Variants in ADAM12 observed in about 807,000 individuals in gnomAD.
ADAM12 encodes disintegrin and metalloproteinase domain-containing protein 12.
Under a neutral mutation model 106.4 loss-of-function variants are expected in ADAM12, and 70 were observed. The ratio of observed to expected loss-of-function variants is 0.66; its 90% CI spans 0.54 to 0.80. ADAM12 has a LOEUF of 0.80. Among genes scored for constraint, ADAM12 ranks in the 30% least tolerant of loss-of-function variants. The pLI is 0.00. For missense variants in ADAM12, 1,010 were observed against 1,171.9 expected (o/e 0.86, Z 2.02); for synonymous variants, 420 against 433.5 (o/e 0.97, Z 0.39).
At chr10:126,100,801 A>G (rs1046046375) in intron 9 of ADAM12, among the ~76,000 whole-genome samples, 4 of 152,176 alleles carry the variant, frequency 2.6e-5, no homozygotes, top group Admixed American at 1.3e-4. Context: ...AAAAATTGGT[A>G]TAGAAGAAAA....
intron 8 of ADAM12, 103 bp downstream of exon 8, chr10:126,108,490 A>G (rs1010578719): frequency 1.3e-5 from 14 of 1,060,480 alleles, no homozygotes; most frequent in Non-Finnish European, 2.0e-5. Context: ...ACCAAGGCCC[A>G]GAGGCAGAAC....
At chr10:126,195,545 G>C (rs1286765711) in intron 3 of ADAM12, among the ~76,000 whole-genome samples, 1 of 152,140 alleles carries the variant, frequency 6.6e-6, no homozygotes, top group Admixed American at 6.6e-5. Context: ...TTGCACTCCA[G>C]CCTGGGCAAT....
At chr10:126,097,561 G>A (rs1205870559) in intron 10 of ADAM12, among the ~76,000 whole-genome samples, 2 of 152,198 alleles carry the variant, frequency 1.3e-5, no homozygotes, top group Non-Finnish European at 2.9e-5. Context: ...CACATGTTCT[G>A]TTTAAAAAAC....
At chr10:126,257,298 C>T (rs1958911694) in intron 3 of ADAM12, among the ~76,000 whole-genome samples, 2 of 152,238 alleles carry the variant, frequency 1.3e-5, no homozygotes, top group Admixed American at 1.3e-4. Context: ...CTCACCAAAA[C>T]ACCTAAGTAG....
At chr10:126,337,799 C>T (rs1209667946) in intron 1 of ADAM12, among the ~76,000 whole-genome samples, 3 of 152,186 alleles carry the variant, frequency 2.0e-5, no homozygotes, top group Non-Finnish European at 2.9e-5. Context: ...AAGAAATACA[C>T]CAAAATGCTC....
At chr10:126,344,237 T>G (rs529528840) in intron 1 of ADAM12, among the ~76,000 whole-genome samples, 3 of 152,324 alleles carry the variant, frequency 2.0e-5, no homozygotes, top group African/African-American at 7.2e-5. Context: ...GCTTTCTACA[T>G]ATGGCTAGCC....
intron 3 of ADAM12, among the ~76,000 whole-genome samples, chr10:126,190,021 G>C (rs1565126123): frequency 6.6e-6 from 1 of 152,008 alleles, no homozygotes; most frequent in Admixed American, 6.5e-5. Context: ...ATGGGATCCT[G>C]AGCTCACTCT....
chr10:126,154,280 G>C (rs1192045501), intron 4 of ADAM12, among the ~76,000 whole-genome samples: 1 of 152,104 alleles, frequency 6.6e-6, no homozygotes, highest in Non-Finnish European at 1.5e-5. Flanking sequence ...AGCTTGACCA[G>C]GCATTAGCAA....
At chr10:126,191,061 G>A (rs1957492244) in intron 3 of ADAM12, among the ~76,000 whole-genome samples, 1 of 135,530 alleles carries the variant, frequency 7.4e-6, no homozygotes, top group South Asian at 2.5e-4. Context: ...GAGTGCAGTA[G>A]CACAATCTCT....
intron 3 of ADAM12, among the ~76,000 whole-genome samples, chr10:126,156,554 A>C (rs1956819324): frequency 6.6e-6 from 1 of 152,108 alleles, no homozygotes; most frequent in African/African-American, 2.4e-5. Context: ...TTTTCAATAA[A>C]TCTCTGCTTC....
intron 14 of ADAM12, among the ~76,000 whole-genome samples, chr10:126,052,692 G>T (rs1954535220): frequency 6.6e-6 from 1 of 152,094 alleles, no homozygotes; most frequent in African/African-American, 2.4e-5. Context: ...ACGAGAAAGA[G>T]ACCAACCTCA....
chr10:126,388,304 G>C lies in ADAM12; in HGVS notation c.-159C>G. ...CGCGCAGCGCCCGCGCCGCCGCTGA[G>C]CTCTTCTAGCCTTTCATTTTTAAAA... On this transcript the variant is annotated 5_prime_UTR_variant, in exon 1 of 23. Transcript: ENST00000448723. The surrounding 1 kb of genome is among the most constrained non-coding windows in gnomAD (Gnocchi z 4.4). 9.4e-7 allele frequency: 1 copy of C among 1,064,828 alleles called. No homozygotes were observed. Among genetic ancestry groups the C allele is most frequent in the East Asian group, 3.8e-5 (1 of 25,998 alleles). 66.0% of individuals were successfully genotyped at this position (1,064,828 alleles called of 1,614,324 possible).
At chr10:126,176,592 C>T (rs1161219942) in intron 3 of ADAM12, among the ~76,000 whole-genome samples, 4 of 152,202 alleles carry the variant, frequency 2.6e-5, no homozygotes, top group Non-Finnish European at 5.9e-5. Context: ...AAATCAAGTA[C>T]ATCCCATATT....
intron 1 of ADAM12, among the ~76,000 whole-genome samples, chr10:126,342,115 C>G (rs1854951117): frequency 6.6e-6 from 1 of 152,150 alleles, no homozygotes; most frequent in East Asian, 1.9e-4. Context: ...GCAGGGATGA[C>G]TGTGGCTTGG....
At chr10:126,312,377 C>T (rs1961147995) in intron 2 of ADAM12, among the ~76,000 whole-genome samples, 1 of 152,224 alleles carries the variant, frequency 6.6e-6, no homozygotes, top group South Asian at 2.1e-4. Flanking sequence ...AGCTCCAGAA[C>T]AGCAAGTCCT....
At chr10:126,370,789 G>A (rs150779317) in intron 1 of ADAM12, among the ~76,000 whole-genome samples, 200 of 152,308 alleles carry the variant, frequency 1.3e-3, no homozygotes, top group African/African-American at 4.4e-3. Flanking sequence ...TGTGGGCCCT[G>A]AAAATCAACT....
chr10:126,234,925 T>A (rs1484819045), intron 3 of ADAM12, among the ~76,000 whole-genome samples: 1 of 152,180 alleles, frequency 6.6e-6, no homozygotes, highest in African/African-American at 2.4e-5. Context: ...TAAGGTGGCA[T>A]GAACAAGGCA....
chr10:126,253,663 T>C (rs937023818), intron 3 of ADAM12, among the ~76,000 whole-genome samples: 1 of 152,062 alleles, frequency 6.6e-6, no homozygotes, highest in African/African-American at 2.4e-5. Flanking sequence ...GCTCCTGGAC[T>C]CACTTTGCTT....
intron 12 of ADAM12, among the ~76,000 whole-genome samples, chr10:126,069,885 G>C (rs779164743): frequency 6.6e-6 from 1 of 152,168 alleles, no homozygotes; most frequent in African/African-American, 2.4e-5. Context: ...TGTTAGCAAT[G>C]GTGGTCGTGA....
Sources: gnomAD v4.1 joint callset for allele counts (sites outside exome capture counted in the v4.1 genomes callset) on GRCh38, gnomAD v4.1.1 for gene constraint, Gnocchi (gnomAD v3.1) non-coding constraint, MANE v1.5 for transcripts, NCBI Gene and HGNC (gene_info 2026-07-23, HGNC 2026-07-21) for gene names.